ADCK1: variants seen among roughly 807,000 people sequenced by gnomAD.
ADCK1 encodes aarF domain-containing protein kinase 1.
In ADCK1, 41 loss-of-function variants were observed where a neutral mutation model predicts 52.3. The observed-to-expected ratio is 0.78, with a 90% confidence interval of 0.61 to 1.02. The LOEUF (loss-of-function observed/expected upper bound fraction) is 1.02. Ranked by LOEUF, ADCK1 falls within the 50% of genes least tolerant of loss-of-function variation. The pLI, the probability that ADCK1 is intolerant of heterozygous loss-of-function variation, is 0.00. For synonymous variants in ADCK1, 250 were observed against 274.6 expected, an observed-to-expected ratio of 0.91 and a Z score of 0.89; for missense variants, 658 against 679.5, an observed-to-expected ratio of 0.97 and a Z score of 0.35.
In ADCK1 at chr14:77,869,526, A is replaced by G. The variant is rs570023842; in HGVS notation, c.423+10247A>G. Among the ~76,000 whole-genome samples, 15 of 152,266 alleles carry G rather than the reference A, an allele frequency of 9.9e-5. No individual in the cohort carries two copies. In the South Asian group the frequency reaches 1.5e-3, roughly 15 times the overall value. On this transcript the variant is annotated intron_variant, in intron 4 of 10. Transcript: ENST00000238561. ...CTTAACTAATTATTAATATATCTGC[A>G]ATGACCTCATTTCCAAATAAGGTCA...
At chr14:77,843,543 C>T (rs1408132298) in intron 3 of ADCK1, among the ~76,000 whole-genome samples, 1 of 152,262 alleles carries the variant, frequency 6.6e-6, no homozygotes, top group African/African-American at 2.4e-5. Flanking sequence ...GAGTACATGT[C>T]CTGGGCTCCT....
intron 1 of ADCK1, among the ~76,000 whole-genome samples, chr14:77,815,532 T>TG (rs1040350243): frequency 2.6e-5 from 4 of 151,252 alleles, no homozygotes; most frequent in African/African-American, 9.7e-5. Flanking sequence ...TTTTTTTTTT[T>TG]TTTTTGAGAT....
intron 3 of ADCK1, among the ~76,000 whole-genome samples, chr14:77,853,549 G>A (rs959825055): frequency 3.9e-5 from 6 of 152,164 alleles, no homozygotes; most frequent in Non-Finnish European, 8.8e-5. Context: ...TTTGTTAGAT[G>A]GGAATGGAAC....
intron 9 of ADCK1, 86 bp downstream of exon 9, chr14:77,926,047 TAA>T: frequency 6.6e-7 from 1 of 1,507,658 alleles, no homozygotes; most frequent in Non-Finnish European, 9.1e-7. Flanking sequence ...AAGTAAGGTC[TAA>T]GAGTCTAGAC....
rs931814467 is a variant in ADCK1 at position 77,934,812 on chromosome 14, T to G, written c.*1421T>G. 2.6e-5 allele frequency: 4 copies of G among 152,190 alleles called. No homozygotes were observed. The highest frequency in any genetic ancestry group is 9.7e-5 in the African/African-American group (4 of 41,444). The allele number at this position is 152,190 out of a possible 1,614,324, so 9.4% of individuals were successfully genotyped here. A position where few individuals can be genotyped will look rare whatever the true frequency, so the allele number is the denominator to read the frequency against. On this transcript the variant is annotated 3_prime_UTR_variant, in exon 11 of 11. Coordinates refer to ENST00000238561, the MANE Select transcript of ADCK1 (RefSeq NM_020421.4). ...CTTTATTCATAGTACAGCAAGCAGATTTTTCAGTGATCAGTGACAATTCAC... is the reference window on the plus strand; with the variant it reads ...CTTTATTCATAGTACAGCAAGCAGAGTTTTCAGTGATCAGTGACAATTCAC...
At chr14:77,811,466 T>A (rs1044317521) in intron 1 of ADCK1, among the ~76,000 whole-genome samples, 5 of 152,120 alleles carry the variant, frequency 3.3e-5, no homozygotes, top group Non-Finnish European at 7.4e-5. Context: ...CCTGGGCTGA[T>A]TGGACTCCAG....
chr14:77,834,701 C>T (rs1478709584), intron 3 of ADCK1, among the ~76,000 whole-genome samples: 1 of 152,244 alleles, frequency 6.6e-6, no homozygotes, highest in Non-Finnish European at 1.5e-5. Context: ...TGCATGTCTG[C>T]AGCTCCCTCA....
intron 3 of ADCK1, among the ~76,000 whole-genome samples, chr14:77,847,129 T>C (rs1023853009): frequency 1.3e-5 from 2 of 151,996 alleles, no homozygotes; most frequent in African/African-American, 2.4e-5. Context: ...GGTGAGATTA[T>C]GGAGATGCTA....
chr14:77,821,459 GTC>G (rs1262480315), intron 2 of ADCK1, among the ~76,000 whole-genome samples: 1 of 152,048 alleles, frequency 6.6e-6, no homozygotes, highest in African/African-American at 2.4e-5. Context: ...AACTTCTAGG[GTC>G]CCAGTTACTC....
At chr14:77,926,666 A>G (rs547026678) in intron 9 of ADCK1, among the ~76,000 whole-genome samples, 3 of 152,096 alleles carry the variant, frequency 2.0e-5, no homozygotes, top group African/African-American at 7.2e-5. Context: ...TTTTTAGTAG[A>G]GGTGGGGTTT....
rs572383609 is a variant in ADCK1 at position 77,895,819 on chromosome 14, T to C, written c.583-3281T>C. Among the ~76,000 whole-genome samples the C allele has an allele frequency of 4.5e-4, 69 of 152,300 alleles. No individual in the cohort carries two copies. In the South Asian group the frequency reaches 0.011, roughly 24 times the overall value. On this transcript the variant is annotated intron_variant, in intron 5 of 10. Coordinates refer to ENST00000238561, the MANE Select transcript of ADCK1 (RefSeq NM_020421.4). ...GGGTTGGTGAACCCCTTGAATTATG[T>C]GCAAAATTATGTATGTTCATTTTCT...
intron 1 of ADCK1, among the ~76,000 whole-genome samples, chr14:77,816,881 A>AATATATATATATAT (rs71128689): frequency 0.062 from 6,745 of 109,640 alleles, 437 homozygotes; most frequent in Admixed American, 0.13. Flanking sequence ...GTAGATGGTA[A>AATATATATATATAT]ATATATATAT....
intron 6 of ADCK1, among the ~76,000 whole-genome samples, chr14:77,904,809 C>G (rs1264014397): frequency 1.3e-5 from 2 of 152,052 alleles, no homozygotes; most frequent in Non-Finnish European, 2.9e-5. Flanking sequence ...GCCATGAGCT[C>G]CTTAGAGTTT....
intron 9 of ADCK1, among the ~76,000 whole-genome samples, chr14:77,929,158 T>TG (rs1162959301): frequency 6.6e-6 from 1 of 152,256 alleles, no homozygotes; most frequent in African/African-American, 2.4e-5. Flanking sequence ...TCAGTCTTTC[T>TG]GAGCCCTGCT....
chr14:77,883,208 C>CG (rs1486127895), intron 4 of ADCK1, among the ~76,000 whole-genome samples: 2 of 151,590 alleles, frequency 1.3e-5, no homozygotes, highest in Non-Finnish European at 1.5e-5. Context: ...AGACCCAGAG[C>CG]GGGGGAAAAA....
intron 3 of ADCK1, among the ~76,000 whole-genome samples, chr14:77,834,023 T>C (rs549710661): frequency 6.6e-6 from 1 of 152,308 alleles, no homozygotes; most frequent in East Asian, 1.9e-4. Flanking sequence ...AATAGTACAC[T>C]TTACCCATGC....
chr14:77,857,225 A>G (rs2082438069), intron 3 of ADCK1, among the ~76,000 whole-genome samples: 1 of 151,992 alleles, frequency 6.6e-6, no homozygotes. Context: ...AGGTGGGTGG[A>G]TTGCTTGAGC....
intron 4 of ADCK1, among the ~76,000 whole-genome samples, chr14:77,868,816 T>C (rs983605619): frequency 2.6e-5 from 4 of 152,208 alleles, no homozygotes; most frequent in Admixed American, 2.6e-4. Flanking sequence ...TGCTATTCTC[T>C]TACCCATGTG....
intron 3 of ADCK1, chr14:77,827,843 T>TTG (rs1786349034): frequency 9.3e-6 from 4 of 430,948 alleles, no homozygotes; most frequent in South Asian, 6.6e-5. Context: ...GCTTTTTTTT[T>TTG]TTTGAGCTAG....
Sources: allele counts gnomAD v4.1 joint callset (sites outside exome capture counted in the v4.1 genomes callset), GRCh38; gene constraint gnomAD v4.1.1; transcripts MANE v1.5; gene names NCBI Gene and HGNC (gene_info 2026-07-23, HGNC 2026-07-21).